EPB41L3: variants seen among roughly 807,000 people sequenced by gnomAD.
EPB41L3 encodes erythrocyte membrane protein band 4.1 like 3, also known as band 4.1-like protein 3.
EPB41L3 carries 57 observed loss-of-function variants against 127.1 expected under a neutral mutation model. The ratio of observed to expected loss-of-function variants is 0.45; its 90% CI spans 0.36 to 0.56. The LOEUF is 0.56. Among genes scored for constraint, EPB41L3 ranks in the 20% least tolerant of loss-of-function variants. The pLI is 0.00. For missense variants in EPB41L3, 1,273 were observed against 1,372.2 expected (o/e 0.93, Z 1.14); for synonymous variants, 572 against 549.5 (o/e 1.04, Z -0.57).
At chr18:5,396,444 T>A in intron 18 of EPB41L3, 112 bp from the exon 19 acceptor site, 1 of 1,271,908 alleles carries the variant, frequency 7.9e-7, no homozygotes, top group East Asian at 2.4e-5. Context: ...CTATAAATGT[T>A]TATGTAGAGA....
chr18:5,606,409 C>CAA (rs2094652651), intron 3 of EPB41L3, among the ~76,000 whole-genome samples: 2 of 151,984 alleles, frequency 1.3e-5, no homozygotes, highest in African/African-American at 4.8e-5. Flanking sequence ...AAAAAAGAAT[C>CAA]ATTCTTTTTG....
chr18:5,548,682 T>G (rs1190841683), upstream of EPB41L3, among the ~76,000 whole-genome samples: 2 of 152,184 alleles, frequency 1.3e-5, no homozygotes, highest in African/African-American at 4.8e-5. Flanking sequence ...ACGATAAAAT[T>G]GTAAGGGTTA....
intron 3 of EPB41L3, among the ~76,000 whole-genome samples, chr18:5,458,066 A>T (rs944574509): frequency 2.0e-5 from 3 of 152,182 alleles, no homozygotes; most frequent in Non-Finnish European, 2.9e-5. Context: ...CAAGCTAAAT[A>T]AATGCATCTG....
In EPB41L3 at chr18:5,423,967, T is replaced by C. The variant is rs112566061; in HGVS notation, c.1163+295A>G. ...GAGAAATCACTGAAATAGTAAGGAA[T>C]TGAAATAGTAAGGAATGGATTGGAT... On this transcript the variant is annotated intron_variant, in intron 10 of 22. Coordinates refer to ENST00000341928, the MANE Select transcript of EPB41L3 (RefSeq NM_012307.5). Among the ~76,000 whole-genome samples the C allele has an allele frequency of 1.8e-3, 275 of 152,156 alleles. 2 individuals carry two copies. The highest frequency in any genetic ancestry group is 6.2e-3 in the African/African-American group (258 of 41,500).
At chr18:5,440,430 T>C (rs2080514680) in intron 5 of EPB41L3, among the ~76,000 whole-genome samples, 2 of 152,104 alleles carry the variant, frequency 1.3e-5, no homozygotes, top group Non-Finnish European at 2.9e-5. Flanking sequence ...CTCAAATACA[T>C]ATCCCCATAA....
intron 4 of EPB41L3, among the ~76,000 whole-genome samples, chr18:5,444,179 G>A (rs988447239): frequency 3.3e-5 from 5 of 152,210 alleles, no homozygotes; most frequent in Non-Finnish European, 7.3e-5. Flanking sequence ...AAAGACAGAA[G>A]AGTCTATGTT....
Position 5,564,255 on chromosome 18 carries a change from C to T in EPB41L3, c.-306+48085G>A, listed in dbSNP as rs185930860. On this transcript the variant is annotated intron_variant, in intron 3 of 21. Transcript: ENST00000545076. ...ATACTACTACTAATAATAATAATTG[C>T]TATGTTTTACTGATGTCTTACAGGT... Among the ~76,000 whole-genome samples the T allele has an allele frequency of 1.3e-3, 198 of 152,072 alleles. 1 individual carries two copies. Among genetic ancestry groups the T allele is most frequent in the African/African-American group, 4.6e-3 (191 of 41,468 alleles).
rs1305082738 is a variant in EPB41L3 at position 5,543,609 on chromosome 18, G to A, written c.-12+304C>T. Among the ~76,000 whole-genome samples, 2 of 147,340 alleles carry A rather than the reference G, an allele frequency of 1.4e-5. No homozygotes were observed. The highest frequency in any genetic ancestry group is 3.9e-4 in the East Asian group (2 of 5,078). On this transcript the variant is annotated intron_variant, in intron 1 of 22. Transcript: ENST00000341928. The surrounding 1 kb of genome is among the most constrained non-coding windows in gnomAD (Gnocchi z 5.2). ...GCCAGGGATCCCAGGGAGGCCCCCA[G>A]GCCGGAGGCCGGGGCTCAGGCTCTG...
chr18:5,630,163 C>A (rs746534482), upstream of EPB41L3, among the ~76,000 whole-genome samples: 1 of 152,198 alleles, frequency 6.6e-6, no homozygotes, highest in Non-Finnish European at 1.5e-5. Flanking sequence ...CCTCTCTGCT[C>A]GTCCCTAGTC....
intron 1 of EPB41L3, among the ~76,000 whole-genome samples, chr18:5,525,794 A>C (rs1391219500): frequency 6.6e-6 from 1 of 152,188 alleles, no homozygotes; most frequent in African/African-American, 2.4e-5. Flanking sequence ...TGAATATCTA[A>C]ATTGATATTG....
intron 16 of EPB41L3, among the ~76,000 whole-genome samples, chr18:5,404,786 A>G (rs138063495): frequency 5.3e-5 from 8 of 152,228 alleles, no homozygotes; most frequent in African/African-American, 1.9e-4. Flanking sequence ...TTGGCTATTT[A>G]GTTTGTGTTT....
chr18:5,555,170 A>G (rs1598938887), intron 3 of EPB41L3, among the ~76,000 whole-genome samples: 1 of 152,166 alleles, frequency 6.6e-6, no homozygotes. Flanking sequence ...CCTTTCAAAC[A>G]TCGCCAGGTC....
chr18:5,561,168 G>A (rs1719988), intron 3 of EPB41L3, among the ~76,000 whole-genome samples: 140,464 of 149,530 alleles, frequency 0.94, 66,261 homozygotes, highest in East Asian at 0.99. Context: ...CAGTAGAGAC[G>A]GGGTTTCACC....
chr18:5,564,596 G>C (rs547256366), intron 3 of EPB41L3, among the ~76,000 whole-genome samples: 2 of 152,220 alleles, frequency 1.3e-5, no homozygotes, highest in East Asian at 3.9e-4. Context: ...TAATGCCCTT[G>C]AACTGAGGGC....
chr18:5,393,304 T>A lies in EPB41L3; in HGVS notation c.*181A>T. On this transcript the variant is annotated 3_prime_UTR_variant, in exon 23 of 23. Coordinates refer to ENST00000341928, the MANE Select transcript of EPB41L3 (RefSeq NM_012307.5). ...TTAGTGATGCTGAATCAGATTGCTT[T>A]ATTATGGGAAGATCTCTCTGCCAGT... 1 of 469,166 alleles carries A rather than the reference T, an allele frequency of 2.1e-6. No homozygotes were observed. The highest frequency in any genetic ancestry group is 3.8e-6 in the Non-Finnish European group (1 of 265,278). 29.1% of individuals were successfully genotyped at this position (469,166 alleles called of 1,614,324 possible). A position where few individuals can be genotyped will look rare whatever the true frequency, so the allele number is the denominator to read the frequency against.
intron 3 of EPB41L3, among the ~76,000 whole-genome samples, chr18:5,562,626 C>T (rs772816986): frequency 1.3e-5 from 2 of 152,124 alleles, no homozygotes; most frequent in Non-Finnish European, 1.5e-5. Context: ...TAGTGCCTGG[C>T]GCATTGTCAG....
At chr18:5,529,192 C>G (rs1393875555) in intron 1 of EPB41L3, among the ~76,000 whole-genome samples, 1 of 152,160 alleles carries the variant, frequency 6.6e-6, no homozygotes, top group African/African-American at 2.4e-5. Context: ...TTAAGCTGAG[C>G]TGCCTGTCAC....
chr18:5,416,191 T>G lies in EPB41L3; in HGVS notation c.1694A>C (p.Tyr565Ser). Residue 565 changes from tyrosine (Y) to serine (S), a missense_variant, in exon 13 of 23, where the codon TAC becomes TCC. Coordinates refer to ENST00000341928, the MANE Select transcript of EPB41L3 (RefSeq NM_012307.5). Reference protein sequence around the residue: ...ALDSDGPGRPYLGDQDVAFSY... With the variant: ...ALDSDGPGRPSLGDQDVAFSY... ...AAAAGCCACATCTTGATCCCCTAGGTAAGGCCTCCCTGGGCCATCAGAGTC... is the reference window on the plus strand; with the variant it reads ...AAAAGCCACATCTTGATCCCCTAGGGAAGGCCTCCCTGGGCCATCAGAGTC... 1.2e-6 allele frequency: 2 copies of G among 1,614,074 alleles called. No individual in the cohort carries two copies. Among genetic ancestry groups the G allele is most frequent in the Non-Finnish European group, 1.7e-6 (2 of 1,179,990 alleles).
intron 3 of EPB41L3, among the ~76,000 whole-genome samples, chr18:5,607,157 G>A (rs2094667260): frequency 6.6e-6 from 1 of 152,182 alleles, no homozygotes; most frequent in African/African-American, 2.4e-5. Flanking sequence ...ACTACTAGAA[G>A]CCATGTGAAG....
Sources: allele counts gnomAD v4.1 joint callset (sites outside exome capture counted in the v4.1 genomes callset), GRCh38; gene constraint gnomAD v4.1.1; non-coding constraint Gnocchi (gnomAD v3.1); transcripts MANE v1.5; gene names NCBI Gene and HGNC (gene_info 2026-07-23, HGNC 2026-07-21).